The following RPS3 variants were observed in gnomAD, a reference collection of about 807,000 sequenced individuals.
The protein encoded by RPS3 is ribosomal protein S3.
RPS3 carries 2 observed loss-of-function variants against 25.8 expected under a neutral mutation model. The observed-to-expected ratio is 0.08, with a 90% CI of 0.03 to 0.24. The LOEUF is 0.24. Ranked by LOEUF, RPS3 falls within the 10% of genes least tolerant of loss-of-function variation. RPS3 has a pLI of 1.00. For missense variants in RPS3, 107 were observed against 307.1 expected (o/e 0.35, Z 4.87); for synonymous variants, 114 against 114.2 (o/e 1.00, Z 0.01).
At chr11:75,400,321 C>A in intron 1 of RPS3, 1 of 511,666 alleles carries the variant, frequency 2.0e-6, no homozygotes, top group Non-Finnish European at 3.9e-6. Flanking sequence ...AGTGTCTTTG[C>A]TGTGCTGAAT....
chr11:75,401,785 C>A lies in RPS3; in HGVS notation c.255+52C>A, dbSNP rs760538960. 1.1e-5 allele frequency: 11 copies of A among 999,322 alleles called. No individual in the cohort carries two copies. In the South Asian group the frequency reaches 1.4e-4, roughly 13 times the overall value. The allele number at this position is 999,322 out of a possible 1,614,324, so 61.9% of individuals were successfully genotyped here. A position where few individuals can be genotyped will look rare whatever the true frequency, so the allele number is the denominator to read the frequency against. Reference sequence around the variant, plus strand: ...GTAATGGCTCTTCAGAATGATACTTCTAAAAACTCTCAACTTGGAGACTTT... The same window carrying A: ...GTAATGGCTCTTCAGAATGATACTTATAAAAACTCTCAACTTGGAGACTTT... On this transcript the variant is annotated intron_variant, in intron 3 of 6. Transcript: ENST00000531188.
intron 6 of RPS3, among the ~76,000 whole-genome samples, chr11:75,417,392 G>A (rs757411203): frequency 1.3e-5 from 2 of 152,064 alleles, no homozygotes; most frequent in African/African-American, 2.4e-5. Context: ...GTCAGGAGTC[G>A]AGACCATCCT....
downstream of RPS3, among the ~76,000 whole-genome samples, chr11:75,411,329 A>G (rs1045706975): frequency 2.6e-5 from 4 of 151,140 alleles, no homozygotes; most frequent in African/African-American, 7.3e-5. Flanking sequence ...TGATTTTCAA[A>G]GTAATTGCCT....
rs571362010 is a variant in RPS3 at position 75,402,586 on chromosome 11, A to T, written c.350+140A>T. The T allele has an allele frequency of 3.6e-6, 3 of 844,480 alleles. No individual in the cohort carries two copies. In the South Asian group the frequency reaches 6.0e-5, roughly 17 times the overall value. 52.3% of individuals were successfully genotyped at this position (844,480 alleles called of 1,614,324 possible). On this transcript the variant is annotated intron_variant, in intron 4 of 6. Transcript: ENST00000531188. ...CAGGGTTATAATAAGATACTAAGTC[A>T]TGCCCTCACTGAACTGGCAGGCTAA... is the stretch of plus-strand genomic sequence containing the variant.
chr11:75,405,229 A>G (rs1002492332), intron 6 of RPS3: 15 of 191,886 alleles, frequency 7.8e-5, no homozygotes, highest in Non-Finnish European at 1.6e-4. Flanking sequence ...GGCACCTGCC[A>G]CCAAGCCCAG....
In RPS3 at chr11:75,400,765, C is replaced by T. The variant is rs775619729; in HGVS notation, c.102C>T (p.Tyr34=). Residue 34 remains tyrosine (Y), a synonymous_variant, in exon 2 of 7, where the codon TAC becomes TAT. Transcript: ENST00000531188. ...CTCGGGAGCTGGCTGAAGATGGCTACTCTGGAGTTGAGGTGCGAGTTACAC... is the reference window on the plus strand; with the variant it reads ...CTCGGGAGCTGGCTGAAGATGGCTATTCTGGAGTTGAGGTGCGAGTTACAC... ...FLTRELAEDG[Y]SGVEVRVTPT... 9.3e-6 allele frequency: 15 copies of T among 1,613,074 alleles called. No individual in the cohort carries two copies. In the South Asian group the frequency reaches 1.4e-4, roughly 15 times the overall value.
chr11:75,409,241 T>C (rs1431391710), downstream of RPS3, among the ~76,000 whole-genome samples: 3 of 146,376 alleles, frequency 2.0e-5, no homozygotes, highest in Admixed American at 1.4e-4. Flanking sequence ...AGAGGGGGAT[T>C]TGGCAGGGTC....
At chr11:75,399,843 C>G (rs1948178146) in intron 1 of RPS3, 1 of 545,144 alleles carries the variant, frequency 1.8e-6, no homozygotes, top group Non-Finnish European at 3.2e-6. Flanking sequence ...GAGCATTTGT[C>G]GGTCAACGGA....
At position 75,401,194 on chromosome 11, in the gene RPS3, A is replaced by G. The variant is rs543784236; in HGVS notation, c.161+370A>G. On this transcript the variant is annotated intron_variant, in intron 2 of 6. Transcript: ENST00000531188. ...ACCGCGCCCGGCAGGTTTATCCTTT[A>G]TGAACTTAAGGGGACAGACGGAACA... Among the ~76,000 whole-genome samples the G allele has an allele frequency of 6.6e-5, 10 of 152,280 alleles. No homozygotes were observed. In the East Asian group the frequency reaches 1.9e-3, roughly 29 times the overall value.
downstream of RPS3, among the ~76,000 whole-genome samples, chr11:75,407,614 G>A (rs535259316): frequency 3.9e-5 from 6 of 152,040 alleles, no homozygotes; most frequent in Non-Finnish European, 8.8e-5. Flanking sequence ...GACTACAGGC[G>A]CCCGCCACCA....
At chr11:75,413,423 A>AT (rs1333480234) in intron 6 of RPS3, among the ~76,000 whole-genome samples, 1 of 151,758 alleles carries the variant, frequency 6.6e-6, no homozygotes, top group African/African-American at 2.4e-5. Flanking sequence ...CGCCCAGCTA[A>AT]TTTTTTGTAT....
chr11:75,409,797 G>A (rs1948326979), downstream of RPS3, among the ~76,000 whole-genome samples: 2 of 149,118 alleles, frequency 1.3e-5, no homozygotes, highest in African/African-American at 2.5e-5. Flanking sequence ...CGGATGGGGC[G>A]GCTGGCTGGG....
downstream of RPS3, among the ~76,000 whole-genome samples, chr11:75,408,735 A>G (rs1440229915): frequency 1.3e-5 from 2 of 152,142 alleles, no homozygotes; most frequent in Non-Finnish European, 2.9e-5. Flanking sequence ...TAGTAGAGAC[A>G]GGGTTTCACT....
intron 3 of RPS3, chr11:75,401,968 C>T (rs1005869663): frequency 2.7e-5 from 15 of 562,354 alleles, no homozygotes; most frequent in African/African-American, 7.5e-5. Context: ...GATTAACTGT[C>T]CCCATTGGTG....
Position 75,406,747 on chromosome 11 carries a change from TAATC to T in RPS3, c.*1140_*1143del, listed in dbSNP as rs1442609362. ...GATTCAACCAACTTTGGGTCAAAAA[TAATC>T]AAAAAGGATGGTTGTGTGTGTATTG... On this transcript the variant is annotated 3_prime_UTR_variant, in exon 7 of 7. Transcript: ENST00000531188. 6.6e-6 allele frequency: 1 copy of T among 152,216 alleles called. No homozygotes were observed. The highest frequency in any genetic ancestry group is 2.4e-5 in the African/African-American group (1 of 41,456). 9.4% of individuals were successfully genotyped at this position (152,216 alleles called of 1,614,324 possible). A position where few individuals can be genotyped will look rare whatever the true frequency, so the allele number is the denominator to read the frequency against.
Position 75,404,520 on chromosome 11 carries a change from G to A in RPS3, c.539-152G>A. On this transcript the variant is annotated intron_variant, in intron 5 of 6. Transcript: ENST00000531188. This position sits in a 1 kb window ranked among gnomAD's most constrained non-coding sequence, Gnocchi z 4.6. The stretch of plus-strand genomic sequence containing the variant: ...GTGCTGTGCACGAGTTCCTTTGGCA[G>A]AAGTGTCCTATTTATTGATCGATTT... 1 of 845,262 alleles carries A rather than the reference G, an allele frequency of 1.2e-6. No individual in the cohort carries two copies. Among genetic ancestry groups the A allele is most frequent in the Non-Finnish European group, 2.1e-6 (1 of 478,580 alleles). The allele number at this position is 845,262 out of a possible 1,614,324, so 52.4% of individuals were successfully genotyped here.
chr11:75,403,351 C>G (rs912683539), intron 4 of RPS3: 1 of 152,226 alleles, frequency 6.6e-6, no homozygotes, highest in Non-Finnish European at 1.5e-5. Flanking sequence ...ACCTCTCAGC[C>G]TGGGATCTGT....
chr11:75,407,642 T>A (rs1208395594), downstream of RPS3, among the ~76,000 whole-genome samples: 1 of 152,096 alleles, frequency 6.6e-6, no homozygotes, highest in East Asian at 1.9e-4. Flanking sequence ...CTATTTTTTT[T>A]TGTATTTTTA....
intron 6 of RPS3, among the ~76,000 whole-genome samples, chr11:75,419,833 C>G (rs1183619968): frequency 6.6e-6 from 1 of 152,130 alleles, no homozygotes; most frequent in Non-Finnish European, 1.5e-5. Context: ...GAGGTTTTGC[C>G]TTGTTAGCCA....
Sources: allele counts gnomAD v4.1 joint callset (sites outside exome capture counted in the v4.1 genomes callset), GRCh38; gene constraint gnomAD v4.1.1; non-coding constraint Gnocchi (gnomAD v3.1); transcripts MANE v1.5; gene names NCBI Gene and HGNC (gene_info 2026-07-23, HGNC 2026-07-21).